The following RNF13 variants were observed in gnomAD, a reference collection of about 807,000 sequenced individuals.
RNF13 encodes ring finger protein 13, also known as E3 ubiquitin-protein ligase RNF13.
A neutral mutation model predicts 37.7 loss-of-function variants in RNF13; 19 were observed. The ratio of observed to expected loss-of-function variants is 0.50; its 90% CI spans 0.35 to 0.74. The LOEUF (loss-of-function observed/expected upper bound fraction) is 0.74, where lower values mean the gene tolerates loss of function less well. Ranked by LOEUF, RNF13 falls within the 30% of genes least tolerant of loss-of-function variation. The probability of loss-of-function intolerance (pLI) is 0.01; values close to 1 mark genes in which losing one functional copy is unlikely to be tolerated. For missense variants in RNF13, 375 were observed against 453.0 expected, an observed-to-expected ratio of 0.83 and a Z score of 1.56; for synonymous variants, 144 against 157.8, an observed-to-expected ratio of 0.91 and a Z score of 0.65.
chr3:149,829,479 A>C (rs995310968), intron 1 of RNF13, among the ~76,000 whole-genome samples: 3 of 152,222 alleles, frequency 2.0e-5, no homozygotes, highest in African/African-American at 7.2e-5. Flanking sequence ...TAAAATTGTA[A>C]AACATTTATT....
At position 149,956,609 on chromosome 3, in the gene RNF13, T is replaced by C. The variant is rs78611003; in HGVS notation, c.701-3447T>C. ...AGCTACATGTTTTAACATTCCCAGA[T>C]TGATGAGATTTACTTTAAAAGTACC... On this transcript the variant is annotated intron_variant, in intron 8 of 9. Transcript: ENST00000392894. Among the ~76,000 whole-genome samples the C allele has an allele frequency of 7.4e-4, 113 of 152,328 alleles. 1 individual carries two copies. The East Asian group carries it at 0.018, about 25-fold the overall frequency.
At chr3:149,923,764 C>CAAAAA (rs375634287) in intron 8 of RNF13, among the ~76,000 whole-genome samples, 2 of 54,962 alleles carry the variant, frequency 3.6e-5, no homozygotes, top group Admixed American at 2.1e-4. Flanking sequence ...GACTCCATCT[C>CAAAAA]AAAAAAAAAA....
chr3:149,842,706 G>A (rs2108366855), intron 1 of RNF13, among the ~76,000 whole-genome samples: 1 of 152,240 alleles, frequency 6.6e-6, no homozygotes, highest in African/African-American at 2.4e-5. Flanking sequence ...AAGAATTTCT[G>A]TTCAGCCCAT....
chr3:149,870,981 T>C (rs944239416), intron 3 of RNF13, among the ~76,000 whole-genome samples: 1 of 151,764 alleles, frequency 6.6e-6, no homozygotes, highest in African/African-American at 2.4e-5. Context: ...TATGTGTTTA[T>C]TCACTTTTTA....
At chr3:149,830,561 G>A (rs1276316385) in intron 1 of RNF13, among the ~76,000 whole-genome samples, 1 of 101,404 alleles carries the variant, frequency 9.9e-6, no homozygotes, top group Non-Finnish European at 1.9e-5. Flanking sequence ...ACTCTTAAAA[G>A]CATTCAGTTT....
At position 149,889,000 on chromosome 3, in the gene RNF13, G is replaced by A. The variant is rs894731105; in HGVS notation, c.322-6473G>A. On this transcript the variant is annotated intron_variant, in intron 4 of 9. Transcript: ENST00000392894. ...GTCACCCAGGCCGAAGTCCAGTGGC[G>A]CGATCTCAGCTCACTGCAACCTCCG... Among the ~76,000 whole-genome samples the A allele has an allele frequency of 7.2e-5, 11 of 152,210 alleles. No individual in the cohort carries two copies. In the South Asian group the frequency reaches 1.0e-3, roughly 14 times the overall value.
At chr3:149,960,419 G>A (rs1315509129) in intron 9 of RNF13, among the ~76,000 whole-genome samples, 3 of 151,892 alleles carry the variant, frequency 2.0e-5, no homozygotes, top group Admixed American at 1.3e-4. Context: ...GTGAAACCCC[G>A]TCTCTACTAA....
intron 2 of RNF13, among the ~76,000 whole-genome samples, chr3:149,846,394 C>T (rs1442730962): frequency 6.6e-6 from 1 of 152,124 alleles, no homozygotes; most frequent in Non-Finnish European, 1.5e-5. Flanking sequence ...CCTCCACCTC[C>T]CGGGTTCAAG....
intron 5 of RNF13, among the ~76,000 whole-genome samples, chr3:149,899,819 CAG>C (rs1408704940): frequency 5.9e-5 from 9 of 152,144 alleles, no homozygotes; most frequent in Non-Finnish European, 1.3e-4. Flanking sequence ...AGATGAGAAA[CAG>C]AGTTGATCGA....
At chr3:149,838,313 T>A (rs544990439) in intron 1 of RNF13, among the ~76,000 whole-genome samples, 2 of 152,174 alleles carry the variant, frequency 1.3e-5, no homozygotes, top group South Asian at 4.1e-4. Context: ...TTCTCACAGC[T>A]CCACCAGGTG....
chr3:149,952,224 G>C (rs951356004), intron 8 of RNF13, among the ~76,000 whole-genome samples: 3 of 151,882 alleles, frequency 2.0e-5, no homozygotes, highest in Non-Finnish European at 4.4e-5. Flanking sequence ...TTTCTGTTAG[G>C]AGCATTACTA....
chr3:149,873,837 A>G (rs1213642243), intron 4 of RNF13, among the ~76,000 whole-genome samples: 2 of 151,930 alleles, frequency 1.3e-5, no homozygotes, highest in Non-Finnish European at 2.9e-5. Flanking sequence ...GTTACTTTTT[A>G]TTGAATATAT....
intron 7 of RNF13, among the ~76,000 whole-genome samples, chr3:149,917,023 GTTTC>G (rs1252199531): frequency 1.3e-5 from 2 of 152,030 alleles, no homozygotes; most frequent in Admixed American, 6.5e-5. Flanking sequence ...AATATAGGAT[GTTTC>G]TTTATCACTC....
chr3:149,815,079 A>G (rs954253796), intron 1 of RNF13, among the ~76,000 whole-genome samples: 4 of 152,168 alleles, frequency 2.6e-5, no homozygotes, highest in Non-Finnish European at 5.9e-5. Context: ...ATGCTTGTAT[A>G]AAGCTAATTT....
At chr3:149,873,304 A>G (rs1184027272) in intron 4 of RNF13, among the ~76,000 whole-genome samples, 2 of 152,200 alleles carry the variant, frequency 1.3e-5, no homozygotes, top group East Asian at 3.8e-4. Context: ...TGCTGTTGTT[A>G]TAACTTTCCT....
intron 6 of RNF13, among the ~76,000 whole-genome samples, chr3:149,903,400 A>T (rs572170835): frequency 1.5e-4 from 23 of 152,070 alleles, no homozygotes; most frequent in Non-Finnish European, 3.4e-4. Flanking sequence ...GAAGTAATAT[A>T]TAGATACTAG....
intron 8 of RNF13, among the ~76,000 whole-genome samples, chr3:149,938,580 GA>G (rs1719943048): frequency 6.6e-6 from 1 of 151,220 alleles, no homozygotes; most frequent in Admixed American, 6.6e-5. Flanking sequence ...TGCTCTGTCT[GA>G]AAATATGCTT....
chr3:149,824,690 A>T (rs959161241), intron 1 of RNF13, among the ~76,000 whole-genome samples: 4 of 151,770 alleles, frequency 2.6e-5, no homozygotes, highest in Non-Finnish European at 5.9e-5. Context: ...AGATATACAC[A>T]CAAATATAGT....
chr3:149,855,569 C>CGTATATATGTGTATATATATACGT (rs781149334), intron 3 of RNF13, among the ~76,000 whole-genome samples: 10 of 148,786 alleles, frequency 6.7e-5, no homozygotes, highest in Admixed American at 1.3e-4. Context: ...TACATATATA[C>CGTATATATGTGTATATATATACGT]GTATATATGT....
Sources: gnomAD v4.1 joint callset for allele counts (sites outside exome capture counted in the v4.1 genomes callset) on GRCh38, gnomAD v4.1.1 for gene constraint, MANE v1.5 for transcripts, NCBI Gene and HGNC (gene_info 2026-07-23, HGNC 2026-07-21) for gene names.